The following CCDC66 variants were observed in gnomAD, a reference collection of about 807,000 sequenced individuals.
The protein encoded by CCDC66 is coiled-coil domain-containing protein 66.
CCDC66 carries 133 observed loss-of-function variants against 128.3 expected under a neutral mutation model. The ratio of observed to expected loss-of-function variants is 1.04; its 90% CI spans 0.90 to 1.20. The LOEUF (loss-of-function observed/expected upper bound fraction) is 1.20. CCDC66 is among the 50% of genes most tolerant of loss of function. CCDC66 has a pLI of 0.00. For missense variants in CCDC66, 1,126 were observed against 1,075.5 expected, an observed-to-expected ratio of 1.05 and a Z score of -0.66; for synonymous variants, 387 against 357.0, an observed-to-expected ratio of 1.08 and a Z score of -0.95.
chr3:56,601,712 G>C (rs2073200614), intron 10 of CCDC66, among the ~76,000 whole-genome samples: 1 of 151,894 alleles, frequency 6.6e-6, no homozygotes, highest in Admixed American at 6.6e-5. Flanking sequence ...TGTATTCCTA[G>C]GTATTTTATT....
intron 10 of CCDC66, among the ~76,000 whole-genome samples, chr3:56,609,485 C>G (rs1253876433): frequency 6.6e-6 from 1 of 152,144 alleles, no homozygotes; most frequent in Non-Finnish European, 1.5e-5. Flanking sequence ...TTAGGTGAGT[C>G]TCCTAAGAGG....
At chr3:56,561,192 C>A in intron 3 of CCDC66, 1 of 455,072 alleles carries the variant, frequency 2.2e-6, no homozygotes, top group Admixed American at 2.4e-5. Context: ...TTCACAAATA[C>A]AGTGGCCTTT....
chr3:56,611,180 A>T (rs2107300270), intron 10 of CCDC66, among the ~76,000 whole-genome samples: 1 of 152,002 alleles, frequency 6.6e-6, no homozygotes. Context: ...ATAGAGAAGG[A>T]CCACCAGGTG....
At chr3:56,567,762 G>A (rs1366771954) in intron 6 of CCDC66, among the ~76,000 whole-genome samples, 1 of 151,516 alleles carries the variant, frequency 6.6e-6, no homozygotes, top group Non-Finnish European at 1.5e-5. Flanking sequence ...GTGTGATCTC[G>A]GCTCACTGCA....
intron 7 of CCDC66, chr3:56,572,417 C>G (rs1005095024): frequency 7.8e-7 from 1 of 1,286,988 alleles, no homozygotes; most frequent in Non-Finnish European, 1.0e-6. Flanking sequence ...TAGAGCTAGT[C>G]AGACTTTAGA....
intron 11 of CCDC66, 51 bp downstream of exon 11, chr3:56,613,801 G>A: frequency 6.7e-7 from 1 of 1,495,006 alleles, no homozygotes; most frequent in Non-Finnish European, 9.2e-7. Flanking sequence ...GTGTTTTTGA[G>A]ACAGGGTCTC....
chr3:56,559,426 CTCAG>C, intron 2 of CCDC66, 139 bp from the exon 3 acceptor site: 2 of 534,258 alleles, frequency 3.7e-6, no homozygotes, highest in Non-Finnish European at 6.5e-6. Context: ...GAAAAAAATA[CTCAG>C]TCAAGATCTA....
At chr3:56,611,773 A>G (rs374771357) in intron 10 of CCDC66, among the ~76,000 whole-genome samples, 1 of 151,724 alleles carries the variant, frequency 6.6e-6, no homozygotes, top group African/African-American at 2.4e-5. Flanking sequence ...TCCTCTACCC[A>G]TGTATTTCAC....
Position 56,567,043 on chromosome 3 carries a change from G to A in CCDC66, c.804G>A (p.Arg268=). 1.2e-6 allele frequency: 2 copies of A among 1,612,524 alleles called. No individual in the cohort carries two copies. Among genetic ancestry groups the A allele is most frequent in the South Asian group, 2.2e-5 (2 of 91,044 alleles). ...TGGAAGCAAAAAAAGCCCAGTGGAGGAAAGAGCTAGGTAGGTAACTTTTAT... is the reference window on the plus strand; with the variant it reads ...TGGAAGCAAAAAAAGCCCAGTGGAGAAAAGAGCTAGGTAGGTAACTTTTAT... The part of the protein sequence containing the change: ...SSLEAKKAQW[R]KELDEQVALK... Residue 268 remains arginine (R), a synonymous_variant, in exon 6 of 18, where the codon AGG becomes AGA. Coordinates refer to ENST00000394672, the MANE Select transcript of CCDC66 (RefSeq NM_001141947.3).
chr3:56,603,041 T>G (rs917413253), intron 10 of CCDC66, among the ~76,000 whole-genome samples: 2 of 151,870 alleles, frequency 1.3e-5, no homozygotes, highest in Non-Finnish European at 2.9e-5. Context: ...TTCACCGTGT[T>G]AGCCAGGATG....
intron 10 of CCDC66, among the ~76,000 whole-genome samples, chr3:56,610,992 G>A (rs1195982350): frequency 1.3e-5 from 2 of 152,156 alleles, no homozygotes; most frequent in African/African-American, 4.8e-5. Context: ...AGTGGACTCC[G>A]TGGGACTCCT....
At position 56,564,124 on chromosome 3, in the gene CCDC66, A is replaced by C; in HGVS notation, c.543A>C (p.Lys181Asn). The C allele has an allele frequency of 6.3e-7, 1 of 1,581,714 alleles. No homozygotes were observed. The highest frequency in any genetic ancestry group is 1.2e-5 in the South Asian group (1 of 86,392). The change falls in exon 4 of 18, where the codon AAA (lysine) becomes AAC (asparagine). Residue 181 changes from lysine to asparagine, a missense_variant and splice_region_variant. Physicochemically the swap from Lys to Asn is moderately conservative, Grantham distance 94. Coordinates refer to ENST00000394672, the MANE Select transcript of CCDC66 (RefSeq NM_001141947.3). Reference sequence around the variant, plus strand: ...TGACTGAGAATGGAAAGGAGGCAAAAAGTAAGATTTTTCTAAAGTTTTCAT... The same window carrying C: ...TGACTGAGAATGGAAAGGAGGCAAACAGTAAGATTTTTCTAAAGTTTTCAT... ...LSLTENGKEA[K>N]SQYSLYLNSI... is the part of the protein sequence containing the mutation.
chr3:56,566,728 A>C lies in CCDC66; in HGVS notation c.679A>C (p.Thr227Pro). The change falls in exon 5 of 18, where the codon ACA becomes CCA. Residue 227 changes from threonine to proline, a missense_variant. Transcript: ENST00000394672. ...ATCTGTCTTAAATGAACATCAGGAG[A>C]CATCTAAACAGTGTGAGCAAAAAAT... ...NKSVLNEHQETSKQCEQKIAI... is the reference protein window; with the variant it reads ...NKSVLNEHQEPSKQCEQKIAI... 2 of 1,612,732 alleles carry C rather than the reference A, an allele frequency of 1.2e-6. No individual in the cohort carries two copies. Among genetic ancestry groups the C allele is most frequent in the Non-Finnish European group, 8.5e-7 (1 of 1,179,510 alleles).
At chr3:56,602,436 T>G (rs893873770) in intron 10 of CCDC66, among the ~76,000 whole-genome samples, 2 of 151,958 alleles carry the variant, frequency 1.3e-5, no homozygotes, top group South Asian at 2.1e-4. Flanking sequence ...ATTCTCTTTT[T>G]TTGTTGTTGT....
At chr3:56,559,077 G>C (rs2054987) in intron 2 of CCDC66, among the ~76,000 whole-genome samples, 167 bp downstream of exon 2, 49,110 of 152,044 alleles carry the variant, frequency 0.32, 8,415 homozygotes, top group East Asian at 0.49. Flanking sequence ...AATAAAATCA[G>C]ATTACAACAC....
At position 56,619,443 on chromosome 3, in the gene CCDC66, C is replaced by A. The variant is rs775693868; in HGVS notation, c.2551C>A (p.Arg851=). ...SESSHFIPYV[R]TNEIYYLDPD... is the part of the protein sequence containing the mutation. ...ATCATCCCATTTTATTCCGTATGTT[C>A]GAACAAATGAGATCTATTACCTTGA... Residue 851 remains arginine, a synonymous_variant, in exon 16 of 18, where the codon CGA becomes AGA. Coordinates refer to ENST00000394672, the MANE Select transcript of CCDC66 (RefSeq NM_001141947.3). 29 of 1,613,814 alleles carry A rather than the reference C, an allele frequency of 1.8e-5. No individual in the cohort carries two copies. In the East Asian group the frequency reaches 5.8e-4, roughly 32 times the overall value.
intron 7 of CCDC66, among the ~76,000 whole-genome samples, chr3:56,590,080 C>A (rs112725239): frequency 0.013 from 1,994 of 152,264 alleles, 38 homozygotes; most frequent in African/African-American, 0.044. Context: ...ATCCCTACCA[C>A]CCACATGAAT....
intron 6 of CCDC66, chr3:56,569,556 C>CT (rs1279827034): frequency 6.5e-6 from 1 of 153,446 alleles, no homozygotes; most frequent in African/African-American, 2.4e-5. Context: ...AACACCTCCC[C>CT]TTAGGCCCCA....
In CCDC66 at chr3:56,617,532, G is replaced by A. The variant is rs747024282; in HGVS notation, c.2264G>A (p.Gly755Asp). The A allele has an allele frequency of 5.6e-6, 9 of 1,610,910 alleles. No homozygotes were observed. Among genetic ancestry groups the A allele is most frequent in the South Asian group, 5.5e-5 (5 of 90,094 alleles). Residue 755 changes from glycine to aspartate, a missense_variant, in exon 14 of 18, where the codon GGC (glycine) becomes GAC (aspartate). Physicochemically the swap from Gly to Asp is moderately conservative, Grantham distance 94. Coordinates refer to ENST00000394672, the MANE Select transcript of CCDC66 (RefSeq NM_001141947.3). Reference sequence around the variant, plus strand: ...CCTGGGCACCTCTCTCAAAACAGAGGCATTTCACCAGAAATTTTTCATTCA... The same window carrying A: ...CCTGGGCACCTCTCTCAAAACAGAGACATTTCACCAGAAATTTTTCATTCA... ...NNPGHLSQNR[G>D]ISPEIFHSSH... is the part of the protein sequence containing the mutation.
Sources: allele counts gnomAD v4.1 joint callset (sites outside exome capture counted in the v4.1 genomes callset), GRCh38; gene constraint gnomAD v4.1.1; transcripts MANE v1.5; gene names NCBI Gene and HGNC (gene_info 2026-07-23, HGNC 2026-07-21).